Variants in SEMA3D observed in about 807,000 individuals in gnomAD.
The protein encoded by SEMA3D is semaphorin 3D, also known as semaphorin-3D.
SEMA3D carries 84 observed loss-of-function variants against 100.1 expected under a neutral mutation model. The observed-to-expected ratio is 0.84, with a 90% CI of 0.70 to 1.01. SEMA3D has a LOEUF of 1.01. Ranked by LOEUF, SEMA3D falls within the 50% of genes least tolerant of loss-of-function variation. The pLI is 0.00. For synonymous variants in SEMA3D, 312 were observed against 320.7 expected, an observed-to-expected ratio of 0.97 and a Z score of 0.29; for missense variants, 875 against 934.1, an observed-to-expected ratio of 0.94 and a Z score of 0.82.
At chr7:85,045,780 A>G (rs1256526587) in intron 9 of SEMA3D, among the ~76,000 whole-genome samples, 1 of 151,994 alleles carries the variant, frequency 6.6e-6, no homozygotes, top group Non-Finnish European at 1.5e-5. Flanking sequence ...ATAATTTTAA[A>G]TGAATTTAAA....
chr7:85,215,023 T>C, the SEMA3D span, among the ~76,000 whole-genome samples: 1 of 152,078 alleles, frequency 6.6e-6, no homozygotes, highest in African/African-American at 2.4e-5. Context: ...CACTGATAGT[T>C]TAGGAGAGGT....
chr7:85,189,444 T>C (rs1474790522), upstream of SEMA3D, among the ~76,000 whole-genome samples: 2 of 152,138 alleles, frequency 1.3e-5, no homozygotes, highest in Admixed American at 6.5e-5. Context: ...TAATACCCTA[T>C]CTAAATTCTT....
At chr7:85,066,921 G>C (rs868306503) in intron 7 of SEMA3D, among the ~76,000 whole-genome samples, 1,605 of 113,860 alleles carry the variant, frequency 0.014, 32 homozygotes, top group African/African-American at 0.078. Flanking sequence ...CACAGAGAGA[G>C]AGAGAGAGAG....
At chr7:85,211,458 A>T in the SEMA3D span, among the ~76,000 whole-genome samples, 1 of 152,120 alleles carries the variant, frequency 6.6e-6, no homozygotes, top group Non-Finnish European at 1.5e-5. Context: ...AATTATGAAC[A>T]TAAGAGCAGT....
intron 8 of SEMA3D, 93 bp downstream of exon 8, chr7:85,065,331 T>C: frequency 8.5e-7 from 1 of 1,180,424 alleles, no homozygotes; most frequent in Non-Finnish European, 1.2e-6. Flanking sequence ...AAATTAATTA[T>C]TCCAAAACAC....
chr7:85,160,636 G>A (rs1406614253), intron 1 of SEMA3D, among the ~76,000 whole-genome samples: 1 of 152,026 alleles, frequency 6.6e-6, no homozygotes. Flanking sequence ...TCCTAAACAG[G>A]ACTGGTGGGA....
chr7:85,200,344 G>T, the SEMA3D span, among the ~76,000 whole-genome samples: 137 of 152,318 alleles, frequency 9.0e-4, no homozygotes, highest in African/African-American at 3.1e-3. Context: ...GGACAATAAA[G>T]TCCAGGCTGA....
chr7:84,996,078 T>C lies in SEMA3D; in HGVS notation c.*3362A>G, dbSNP rs572101152. 9.1e-4 allele frequency: 139 copies of C among 151,962 alleles called. 2 individuals carry two copies. Among genetic ancestry groups the C allele is most frequent in the African/African-American group, 3.3e-3 (136 of 41,526 alleles). 9.4% of individuals were successfully genotyped at this position (151,962 alleles called of 1,614,324 possible). A position where few individuals can be genotyped will look rare whatever the true frequency, so the allele number is the denominator to read the frequency against. ...AATGTGACATTCTAAAGGGAGGCTATTTCAGTTTTGATTTCCATTTGTATT... is the reference window on the plus strand; with the variant it reads ...AATGTGACATTCTAAAGGGAGGCTACTTCAGTTTTGATTTCCATTTGTATT... On this transcript the variant is annotated 3_prime_UTR_variant, in exon 19 of 19. Coordinates refer to ENST00000284136, the MANE Select transcript of SEMA3D (RefSeq NM_001384900.1).
At position 85,132,326 on chromosome 7, in the gene SEMA3D, A is replaced by T. The variant is rs1789747587; in HGVS notation, c.-40-10395T>A. ...AATGTCTCCTAACTTAAAACATGGC[A>T]AAATTGGATATCATATTGAGATTGA... On this transcript the variant is annotated intron_variant, in intron 2 of 18. Transcript: ENST00000284136. Among the ~76,000 whole-genome samples the T allele has an allele frequency of 2.0e-5, 3 of 152,098 alleles. No homozygotes were observed. The South Asian group carries it at 6.2e-4, about 32-fold the overall frequency.
chr7:85,104,162 A>C (rs1205443861), intron 3 of SEMA3D, among the ~76,000 whole-genome samples: 5 of 152,040 alleles, frequency 3.3e-5, no homozygotes, highest in Non-Finnish European at 5.9e-5. Flanking sequence ...GCAATGACTG[A>C]CTCATCTAAG....
intron 15 of SEMA3D, among the ~76,000 whole-genome samples, chr7:85,016,055 C>G (rs941898312): frequency 4.6e-5 from 7 of 151,610 alleles, no homozygotes; most frequent in African/African-American, 1.7e-4. Context: ...AGAAATGGGT[C>G]TTACACCTTT....
chr7:85,098,329 A>C (rs1267611160), intron 3 of SEMA3D, among the ~76,000 whole-genome samples: 1 of 151,844 alleles, frequency 6.6e-6, no homozygotes, highest in African/African-American at 2.4e-5. Context: ...TGAATAAAAA[A>C]CATGTAAATA....
chr7:85,045,850 G>A lies in SEMA3D; in HGVS notation c.862-3565C>T, dbSNP rs148902113. Among the ~76,000 whole-genome samples, 425 of 151,898 alleles carry A rather than the reference G, an allele frequency of 2.8e-3. 3 individuals carry two copies. Among genetic ancestry groups the A allele is most frequent in the African/African-American group, 9.6e-3 (400 of 41,510 alleles). On this transcript the variant is annotated intron_variant, in intron 9 of 18. Coordinates refer to ENST00000284136, the MANE Select transcript of SEMA3D (RefSeq NM_001384900.1). ...TTGATTTAGATCTGTTTAAAGTAACGTATCTAATCTTTACATTTTTTTATC... is the reference window on the plus strand; with the variant it reads ...TTGATTTAGATCTGTTTAAAGTAACATATCTAATCTTTACATTTTTTTATC...
intron 12 of SEMA3D, among the ~76,000 whole-genome samples, chr7:85,031,342 G>C (rs79121850): frequency 0.012 from 1,826 of 152,034 alleles, 47 homozygotes; most frequent in African/African-American, 0.042. Context: ...TTTAACTTAA[G>C]TGTAATATGG....
chr7:85,012,876 C>T, intron 16 of SEMA3D, 30 bp from the exon 17 acceptor site: 2 of 1,565,004 alleles, frequency 1.3e-6, no homozygotes, highest in Admixed American at 1.7e-5. Context: ...CTTATTAGAA[C>T]TTCAAGCATG....
chr7:85,002,194 A>G (rs1333895763), intron 18 of SEMA3D, among the ~76,000 whole-genome samples: 3 of 152,038 alleles, frequency 2.0e-5, no homozygotes, highest in Non-Finnish European at 4.4e-5. Context: ...CTGGCATTCC[A>G]TTACACGGTC....
chr7:85,233,405 T>C, the SEMA3D span, among the ~76,000 whole-genome samples: 74 of 152,328 alleles, frequency 4.9e-4, no homozygotes, highest in African/African-American at 1.6e-3. Context: ...TAAGTTTCCA[T>C]GTATAGAATT....
At chr7:85,068,590 A>T (rs1791690099) in intron 6 of SEMA3D, among the ~76,000 whole-genome samples, 1 of 152,170 alleles carries the variant, frequency 6.6e-6, no homozygotes, top group South Asian at 2.1e-4. Flanking sequence ...CACCACTAAG[A>T]ACACATATTT....
chr7:85,114,630 C>T (rs949427247), intron 3 of SEMA3D, among the ~76,000 whole-genome samples: 1 of 152,074 alleles, frequency 6.6e-6, no homozygotes, highest in Non-Finnish European at 1.5e-5. Flanking sequence ...TTCTGATTAC[C>T]AGCCTTTGAC....
Sources: allele counts gnomAD v4.1 joint callset (sites outside exome capture counted in the v4.1 genomes callset), GRCh38; gene constraint gnomAD v4.1.1; transcripts MANE v1.5; gene names NCBI Gene and HGNC (gene_info 2026-07-23, HGNC 2026-07-21).